Variants in BOD1 observed in about 807,000 individuals in gnomAD.
BOD1 encodes the protein biorientation of chromosomes in cell division 1, also known as biorientation of chromosomes in cell division protein 1.
In BOD1, 11 loss-of-function variants were observed where a neutral mutation model predicts 15.7. The observed-to-expected ratio is 0.70, with a 90% CI of 0.44 to 1.16. The LOEUF (loss-of-function observed/expected upper bound fraction) is 1.16. BOD1 is among the 50% of genes most tolerant of loss of function. BOD1 has a pLI of 0.00. For missense variants in BOD1, 182 were observed against 244.5 expected (o/e 0.74, Z 1.70); for synonymous variants, 105 against 103.5 (o/e 1.01, Z -0.09).
intron 2 of BOD1, among the ~76,000 whole-genome samples, chr5:173,612,658 C>T (rs148186923): frequency 1.3e-5 from 2 of 152,312 alleles, no homozygotes; most frequent in Admixed American, 1.3e-4. Flanking sequence ...CTGTGAAGTA[C>T]GATACTTTAT....
At chr5:173,608,983 TC>T (rs1477303297) in intron 3 of BOD1, among the ~76,000 whole-genome samples, 7 of 152,206 alleles carry the variant, frequency 4.6e-5, no homozygotes, top group Non-Finnish European at 1.0e-4. Flanking sequence ...ACACCAATCA[TC>T]CCAGCTGATT....
intron 2 of BOD1, 108 bp from the exon 3 acceptor site, chr5:173,609,542 A>G (rs1755293935): frequency 8.6e-7 from 1 of 1,164,114 alleles, no homozygotes. Flanking sequence ...TCAAAGCTAC[A>G]GCCCTTCTAG....
At chr5:173,611,249 G>A (rs1755343972) in intron 2 of BOD1, among the ~76,000 whole-genome samples, 1 of 152,226 alleles carries the variant, frequency 6.6e-6, no homozygotes, top group African/African-American at 2.4e-5. Flanking sequence ...TCATAATTCA[G>A]TGCAATAGCA....
chr5:173,613,276 G>A, intron 1 of BOD1, 21 bp from the exon 2 acceptor site: 4 of 1,612,866 alleles, frequency 2.5e-6, no homozygotes, highest in East Asian at 4.5e-5. Flanking sequence ...AAAAAGAGGA[G>A]GCAAGGTCAG....
chr5:173,612,409 C>T (rs1207855857), intron 2 of BOD1, among the ~76,000 whole-genome samples: 1 of 152,190 alleles, frequency 6.6e-6, no homozygotes, highest in Non-Finnish European at 1.5e-5. Flanking sequence ...CTCCGTGCGA[C>T]TTTACCATAC....
In BOD1 at chr5:173,616,617, A is replaced by C. The variant is rs949332821; in HGVS notation, c.-181T>G. ...GCGGCGGCGGCGAAGGCCCCCTCTG[A>C]TACAGCAGAGGTTGTGGTGGACGCG... On this transcript the variant is annotated 5_prime_UTR_variant, in exon 1 of 4. Coordinates refer to ENST00000311086, the MANE Select transcript of BOD1 (RefSeq NM_138369.3). 11 of 1,342,844 alleles carry C rather than the reference A, an allele frequency of 8.2e-6. No individual in the cohort carries two copies. The highest frequency in any genetic ancestry group is 9.5e-6 in the Non-Finnish European group (10 of 1,054,042). 83.2% of individuals were successfully genotyped at this position (1,342,844 alleles called of 1,614,324 possible).
chr5:173,609,452 A>G lies in BOD1; in HGVS notation c.363-18T>C. 8.2e-7 allele frequency: 1 copy of G among 1,218,058 alleles called. No individual in the cohort carries two copies. Among genetic ancestry groups the G allele is most frequent in the South Asian group, 1.3e-5 (1 of 76,104 alleles). 75.5% of individuals were successfully genotyped at this position (1,218,058 alleles called of 1,614,324 possible). A position where few individuals can be genotyped will look rare whatever the true frequency, so the allele number is the denominator to read the frequency against. ...TCCCTGACCTTGTGGAGACAAACAG[A>G]TCATTCTGTTATTTAGTTCCTTCGG... is the stretch of plus-strand genomic sequence containing the variant. On this transcript the variant is annotated intron_variant, in intron 2 of 3. Transcript: ENST00000311086.
chr5:173,614,371 C>T, intron 1 of BOD1, among the ~76,000 whole-genome samples: 1 of 152,186 alleles, frequency 6.6e-6, no homozygotes, highest in Non-Finnish European at 1.5e-5. Flanking sequence ...AAACACGTAA[C>T]AAACCCAGGC....
At position 173,609,218 on chromosome 5, in the gene BOD1, C is replaced by G; in HGVS notation, c.*1+20G>C. 1.9e-6 allele frequency: 3 copies of G among 1,601,914 alleles called. No homozygotes were observed. The highest frequency in any genetic ancestry group is 2.6e-6 in the Non-Finnish European group (3 of 1,174,034). On this transcript the variant is annotated intron_variant, in intron 3 of 3. Transcript: ENST00000311086. ...CAAGCCAGAGATGCATACTCCTGGA[C>G]AGAAGATAGGATACTGGACCTTAGG...
At chr5:173,611,559 G>A (rs1293037103) in intron 2 of BOD1, among the ~76,000 whole-genome samples, 2 of 152,050 alleles carry the variant, frequency 1.3e-5, no homozygotes, top group African/African-American at 2.4e-5. Context: ...CAACTTCACA[G>A]AGGTGGTAAA....
chr5:173,608,651 A>C (rs1397055099), intron 3 of BOD1, among the ~76,000 whole-genome samples: 1 of 152,210 alleles, frequency 6.6e-6, no homozygotes, highest in Non-Finnish European at 1.5e-5. Flanking sequence ...GCTCCTACTA[A>C]TGTCTCCCAA....
At position 173,607,464 on chromosome 5, in the gene BOD1, A is replaced by G. The variant is rs1755230722; in HGVS notation, c.*830T>C. 2 of 152,252 alleles carry G rather than the reference A, an allele frequency of 1.3e-5. No homozygotes were observed. Among genetic ancestry groups the G allele is most frequent in the Admixed American group, 1.3e-4 (2 of 15,282 alleles). The allele number at this position is 152,252 out of a possible 1,614,324, so 9.4% of individuals were successfully genotyped here. Reference sequence around the variant, plus strand: ...GATCATGTGTGGTGCACAGAGGCAGAAGACAAAGGTTGCCCTTCACAGACC... The same window carrying G: ...GATCATGTGTGGTGCACAGAGGCAGGAGACAAAGGTTGCCCTTCACAGACC... On this transcript the variant is annotated 3_prime_UTR_variant, in exon 4 of 4. Coordinates refer to ENST00000311086, the MANE Select transcript of BOD1 (RefSeq NM_138369.3).
intron 1 of BOD1, among the ~76,000 whole-genome samples, chr5:173,613,726 C>A (rs1755416643): frequency 6.6e-6 from 1 of 152,192 alleles, no homozygotes; most frequent in Non-Finnish European, 1.5e-5. Flanking sequence ...GACAAAGGAA[C>A]CAGCAGGCCT....
At chr5:173,610,034 GC>G (rs1474921051) in intron 2 of BOD1, among the ~76,000 whole-genome samples, 1 of 152,194 alleles carries the variant, frequency 6.6e-6, no homozygotes, top group Non-Finnish European at 1.5e-5. Flanking sequence ...TTAGTTCCAA[GC>G]TCCTAGAGGG....
Position 173,608,589 on chromosome 5 carries a change from T to C in BOD1, c.*2-297A>G, listed in dbSNP as rs375185910. Among the ~76,000 whole-genome samples the C allele has an allele frequency of 5.3e-5, 8 of 152,328 alleles. No individual in the cohort carries two copies. The East Asian group carries it at 1.2e-3, about 22-fold the overall frequency. ...CAAATCAGAATGAAGGGATAAAACA[T>C]ATCCCAGCAGTCACCAACAACGGCG... On this transcript the variant is annotated intron_variant, in intron 3 of 3. Coordinates refer to ENST00000311086, the MANE Select transcript of BOD1 (RefSeq NM_138369.3).
intron 1 of BOD1, 77 bp from the exon 2 acceptor site, chr5:173,613,332 C>T (rs978041323): frequency 6.6e-7 from 1 of 1,524,448 alleles, no homozygotes; most frequent in Admixed American, 1.7e-5. Context: ...CAGAACACTG[C>T]TTTTCACAGA....
chr5:173,614,245 G>A (rs1042885668), intron 1 of BOD1, among the ~76,000 whole-genome samples: 1 of 152,088 alleles, frequency 6.6e-6, no homozygotes, highest in Admixed American at 6.5e-5. Context: ...GATTATTTTT[G>A]TCCCTTGTAA....
Position 173,609,238 on chromosome 5 carries a change from C to T in BOD1, c.*1G>A, listed in dbSNP as rs1225951419. On this transcript the variant is annotated splice_region_variant and 3_prime_UTR_variant, in exon 3 of 4. Coordinates refer to ENST00000311086, the MANE Select transcript of BOD1 (RefSeq NM_138369.3). ...CTGGACAGAAGATAGGATACTGGAC[C>T]TTAGGAAGTGTCCTGAGATGGAGCT... is the stretch of plus-strand genomic sequence containing the variant. 45 of 1,612,676 alleles carry T rather than the reference C, an allele frequency of 2.8e-5. No individual in the cohort carries two copies. Among genetic ancestry groups the T allele is most frequent in the Non-Finnish European group, 3.6e-5 (43 of 1,179,404 alleles).
intron 2 of BOD1, among the ~76,000 whole-genome samples, chr5:173,612,431 C>T (rs899389962): frequency 3.3e-5 from 5 of 152,200 alleles, no homozygotes; most frequent in Admixed American, 2.0e-4. Flanking sequence ...AGCTGTTGCA[C>T]GTGAGCACAG....
Sources: allele counts gnomAD v4.1 joint callset (sites outside exome capture counted in the v4.1 genomes callset), GRCh38; gene constraint gnomAD v4.1.1; transcripts MANE v1.5; gene names NCBI Gene and HGNC (gene_info 2026-07-23, HGNC 2026-07-21).